Variants in ADAMTS16 observed in about 807,000 individuals in gnomAD.
ADAMTS16 encodes ADAM metallopeptidase with thrombospondin type 1 motif 16.
Under a neutral mutation model 145.8 loss-of-function variants are expected in ADAMTS16, and 94 were observed. That is an observed-to-expected ratio of 0.64 (90% CI 0.55 to 0.77). The LOEUF is 0.77. Among genes scored for constraint, ADAMTS16 ranks in the 30% least tolerant of loss-of-function variants. ADAMTS16 has a pLI of 0.00. For synonymous variants in ADAMTS16, 659 were observed against 604.3 expected (o/e 1.09, Z -1.33); for missense variants, 1,585 against 1,591.5 (o/e 1.00, Z 0.07).
intron 18 of ADAMTS16, among the ~76,000 whole-genome samples, chr5:5,272,392 T>C (rs996162656): frequency 2.7e-5 from 4 of 147,400 alleles, no homozygotes; most frequent in Non-Finnish European, 4.5e-5. Context: ...GATGGAGTCT[T>C]GCTCTGTCAC....
chr5:5,286,749 T>A (rs2126480997), intron 18 of ADAMTS16, among the ~76,000 whole-genome samples: 1 of 151,128 alleles, frequency 6.6e-6, no homozygotes, highest in African/African-American at 2.4e-5. Context: ...TCCCAGCTAC[T>A]TGGGAGGCTG....
intron 3 of ADAMTS16, among the ~76,000 whole-genome samples, chr5:5,157,803 T>A (rs1383315244): frequency 6.6e-6 from 1 of 152,222 alleles, no homozygotes. Flanking sequence ...CGTCCACAGT[T>A]GTTGAGAACT....
At chr5:5,250,707 C>CTGTGTGTGTGTGTGTGTGTGTG (rs763835441) in intron 17 of ADAMTS16, among the ~76,000 whole-genome samples, 7 of 148,558 alleles carry the variant, frequency 4.7e-5, no homozygotes, top group Admixed American at 3.4e-4. Context: ...TGTCTCTTCT[C>CTGTGTGTGTGTGTGTGTGTGTG]TCTGTGTGTG....
rs991095469 is a variant in ADAMTS16, at chr5:5,232,358, A to G, written c.1702-10A>G. On this transcript the variant is annotated splice_polypyrimidine_tract_variant and intron_variant, in intron 11 of 22. Transcript: ENST00000274181. ...GAGTCAAGTCAACTTATTTATGTTG[A>G]AAATTTTAGTGGTGCCGGGGAGGAC... The G allele has an allele frequency of 6.2e-7, 1 of 1,613,838 alleles. No homozygotes were observed. Among genetic ancestry groups the G allele is most frequent in the Admixed American group, 1.7e-5 (1 of 59,988 alleles).
intron 9 of ADAMTS16, among the ~76,000 whole-genome samples, chr5:5,202,869 T>C (rs1325377794): frequency 1.3e-5 from 2 of 152,172 alleles, no homozygotes; most frequent in Non-Finnish European, 2.9e-5. Context: ...ATAGGCAGAC[T>C]CATGGAAAGA....
intron 12 of ADAMTS16, among the ~76,000 whole-genome samples, chr5:5,234,640 G>C (rs1416392293): frequency 6.6e-6 from 1 of 152,160 alleles, no homozygotes; most frequent in Non-Finnish European, 1.5e-5. Flanking sequence ...GGGAGGTTGA[G>C]GTGCACGGAC....
intron 3 of ADAMTS16, among the ~76,000 whole-genome samples, chr5:5,151,213 CTCTT>C (rs1239751841): frequency 7.0e-6 from 1 of 143,622 alleles, no homozygotes; most frequent in African/African-American, 2.6e-5. Context: ...TATTTCTTTT[CTCTT>C]ATTTATTTAT....
intron 11 of ADAMTS16, among the ~76,000 whole-genome samples, chr5:5,227,414 G>T (rs1214889011): frequency 6.6e-6 from 1 of 152,052 alleles, no homozygotes; most frequent in Non-Finnish European, 1.5e-5. Flanking sequence ...TGGTATTTCC[G>T]TGGAAATCTA....
chr5:5,224,673 A>T (rs1378504263), intron 11 of ADAMTS16, among the ~76,000 whole-genome samples: 1 of 152,260 alleles, frequency 6.6e-6, no homozygotes, highest in Non-Finnish European at 1.5e-5. Flanking sequence ...CAGGTAATTT[A>T]CTTGAGTGTT....
intron 3 of ADAMTS16, among the ~76,000 whole-genome samples, chr5:5,172,560 C>G (rs979512756): frequency 1.6e-4 from 24 of 152,200 alleles, no homozygotes; most frequent in African/African-American, 5.3e-4. Flanking sequence ...CAAAATTCCT[C>G]TTGTGACTGA....
intron 12 of ADAMTS16, among the ~76,000 whole-genome samples, chr5:5,234,075 G>A (rs1737020363): frequency 6.6e-6 from 1 of 152,288 alleles, no homozygotes; most frequent in East Asian, 1.9e-4. Flanking sequence ...CCTTAAGCTT[G>A]TTTAAGATGT....
chr5:5,217,994 A>T (rs893613008), intron 10 of ADAMTS16, among the ~76,000 whole-genome samples: 7 of 152,318 alleles, frequency 4.6e-5, no homozygotes, highest in Middle Eastern at 3.4e-3. Flanking sequence ...GTAACCCCAA[A>T]ACCCAGCAAG....
chr5:5,140,497 C>A lies in ADAMTS16; in HGVS notation c.30C>A (p.Gly10=). The stretch of plus-strand genomic sequence containing the variant: ...AGCCCCGCGCGCGCGGATGGCGGGG[C>A]TTGGCGGCGCTGTGGATGCTGTTGG... The part of the protein sequence containing the change: MKPRARGWR[G]LAALWMLLAQ... Residue 10 remains glycine (G), a synonymous_variant, in exon 1 of 23, where the codon GGC becomes GGA. Coordinates refer to ENST00000274181, the MANE Select transcript of ADAMTS16 (RefSeq NM_139056.4). 1 of 1,518,466 alleles carries A rather than the reference C, an allele frequency of 6.6e-7. No individual in the cohort carries two copies. Among genetic ancestry groups the A allele is most frequent in the Admixed American group, 2.1e-5 (1 of 48,658 alleles). 94.1% of individuals were successfully genotyped at this position (1,518,466 alleles called of 1,614,324 possible).
At chr5:5,181,765 A>G (rs1280589992) in intron 3 of ADAMTS16, among the ~76,000 whole-genome samples, 1 of 152,148 alleles carries the variant, frequency 6.6e-6, no homozygotes, top group Non-Finnish European at 1.5e-5. Context: ...TATGCTGTGC[A>G]CCCTCTGTCC....
At chr5:5,185,959 C>G in intron 4 of ADAMTS16, 93 bp from the exon 5 acceptor site, 2 of 1,092,608 alleles carry the variant, frequency 1.8e-6, no homozygotes, top group Non-Finnish European at 2.7e-6. Flanking sequence ...CATGAGTGTT[C>G]ATTTTTGAGA....
At chr5:5,160,512 C>T (rs1001832006) in intron 3 of ADAMTS16, among the ~76,000 whole-genome samples, 1 of 152,062 alleles carries the variant, frequency 6.6e-6, no homozygotes, top group Non-Finnish European at 1.5e-5. Context: ...AGAGCTACTT[C>T]GTTTATAAAA....
At chr5:5,180,232 C>A (rs1175659548) in intron 3 of ADAMTS16, among the ~76,000 whole-genome samples, 1 of 151,944 alleles carries the variant, frequency 6.6e-6, no homozygotes, top group East Asian at 1.9e-4. Flanking sequence ...AGTCAGTGGG[C>A]AGCACTAGAT....
At chr5:5,215,263 T>C (rs2126329340) in intron 10 of ADAMTS16, among the ~76,000 whole-genome samples, 1 of 152,348 alleles carries the variant, frequency 6.6e-6, no homozygotes. Flanking sequence ...TAATCAGGAT[T>C]AGTGATAAAA....
chr5:5,218,222 T>C (rs1245660632), intron 10 of ADAMTS16, among the ~76,000 whole-genome samples: 1 of 152,256 alleles, frequency 6.6e-6, no homozygotes, highest in Non-Finnish European at 1.5e-5. Context: ...TTACTTTTCT[T>C]TTTTTAACTT....
Sources: allele counts gnomAD v4.1 joint callset (sites outside exome capture counted in the v4.1 genomes callset), GRCh38; gene constraint gnomAD v4.1.1; transcripts MANE v1.5; gene names NCBI Gene and HGNC (gene_info 2026-07-23, HGNC 2026-07-21).